MAP3K21: variants seen among roughly 807,000 people sequenced by gnomAD.
The protein encoded by MAP3K21 is mitogen-activated protein kinase kinase kinase MLK4.
A neutral mutation model predicts 86.1 loss-of-function variants in MAP3K21; 63 were observed. That is an observed-to-expected ratio of 0.73 (90% confidence interval 0.60 to 0.90). MAP3K21 has a LOEUF of 0.90. Ranked by LOEUF, MAP3K21 falls within the 40% of genes least tolerant of loss-of-function variation. The probability of loss-of-function intolerance (pLI) is 0.00; values close to 1 mark genes in which losing one functional copy is unlikely to be tolerated. For missense variants in MAP3K21, 1,220 were observed against 1,367.7 expected, an observed-to-expected ratio of 0.89 and a Z score of 1.70; for synonymous variants, 558 against 564.8, an observed-to-expected ratio of 0.99 and a Z score of 0.17.
chr1:233,350,803 C>T (rs571535395), intron 2 of MAP3K21, among the ~76,000 whole-genome samples: 8 of 152,246 alleles, frequency 5.3e-5, no homozygotes, highest in African/African-American at 1.9e-4. Context: ...ACTCACAGCC[C>T]TGAGTCATTA....
Position 233,328,072 on chromosome 1 carries a change from C to G in MAP3K21, c.44C>G (p.Ser15Cys). The G allele has an allele frequency of 7.4e-7, 1 of 1,349,056 alleles. No individual in the cohort carries two copies. Among genetic ancestry groups the G allele is most frequent in the African/African-American group, 1.5e-5 (1 of 65,190 alleles). 83.6% of individuals were successfully genotyped at this position (1,349,056 alleles called of 1,614,324 possible). The change falls in exon 1 of 10, where the codon TCC becomes TGC. Residue 15 changes from serine (S) to cysteine (C), a missense_variant. Physicochemically the swap from Ser to Cys is moderately radical, Grantham distance 112. Transcript: ENST00000366624. This position sits in a 1 kb window ranked among gnomAD's most constrained non-coding sequence, Gnocchi z 8.7. ...GAAGATDTPV[S>C]SAGGAPGGSA... ...GCGGGAGCGACCGACACCCCGGTGTCCTCGGCCGGGGGAGCCCCCGGCGGC... is the reference window on the plus strand; with the variant it reads ...GCGGGAGCGACCGACACCCCGGTGTGCTCGGCCGGGGGAGCCCCCGGCGGC...
rs370711052 is a variant in MAP3K21, at chr1:233,382,395, C to T, written c.2795C>T (p.Ser932Leu). The T allele has an allele frequency of 5.6e-6, 9 of 1,614,146 alleles. No individual in the cohort carries two copies. In the African/African-American group the frequency reaches 9.3e-5, roughly 17 times the overall value. ...CACAGTCATCTGCCAAGGGAGGTCT[C>T]ACCCAAGAAGCACAGCACTGTCCAC... Reference protein sequence around the residue: ...APHSHLPREVSPKKHSTVHIV... With the variant: ...APHSHLPREVLPKKHSTVHIV... The change falls in exon 10 of 10, where the codon TCA (serine) becomes TTA (leucine). Residue 932 changes from serine (S) to leucine (L), a missense_variant. By Grantham distance (145) the Ser-to-Leu change is moderately radical. Coordinates refer to ENST00000366624, the MANE Select transcript of MAP3K21 (RefSeq NM_032435.3).
At position 233,353,926 on chromosome 1, in the gene MAP3K21, G is replaced by C; in HGVS notation, c.1106G>C (p.Cys369Ser). ...NKLTLPIPSTCPEPFAKLMKE... is the reference protein window; with the variant it reads ...NKLTLPIPSTSPEPFAKLMKE... ...CTCACTTTGCCCATTCCATCCACCT[G>C]CCCTGAGCCGTTTGCCAAGCTCATG... is the stretch of plus-strand genomic sequence containing the variant. The change falls in exon 3 of 10, where the codon TGC becomes TCC. Residue 369 changes from cysteine to serine, a missense_variant. Physicochemically the swap from Cys to Ser is moderately radical, Grantham distance 112. Around this residue, in one of 5 missense-constraint regions of MAP3K21, gnomAD observed 126 missense variants for 127.7 expected, o/e 0.99. Transcript: ENST00000366624. The C allele has an allele frequency of 1.2e-6, 2 of 1,608,302 alleles. No homozygotes were observed. The highest frequency in any genetic ancestry group is 4.5e-5 in the East Asian group (2 of 44,602).
At chr1:233,332,786 G>A (rs1183658396) in intron 1 of MAP3K21, among the ~76,000 whole-genome samples, 1 of 152,074 alleles carries the variant, frequency 6.6e-6, no homozygotes, top group East Asian at 1.9e-4. Context: ...AAGATTATGT[G>A]GCATCATGTA....
At chr1:233,352,077 G>A (rs1406049053) in intron 2 of MAP3K21, among the ~76,000 whole-genome samples, 1 of 152,012 alleles carries the variant, frequency 6.6e-6, no homozygotes, top group Non-Finnish European at 1.5e-5. Context: ...TTTTAGAGAC[G>A]AGTTTTACCA....
chr1:233,330,336 TTGACAGACCACATGAAGGACTA>T (rs946709261), intron 1 of MAP3K21, among the ~76,000 whole-genome samples: 5 of 152,216 alleles, frequency 3.3e-5, no homozygotes, highest in African/African-American at 1.2e-4. Context: ...TCTTAGTACT[TTGACAGACCACATGAAGGACTA>T]TAGCATTGCT....
At chr1:233,339,638 A>G (rs1662998927) in intron 1 of MAP3K21, among the ~76,000 whole-genome samples, 1 of 151,700 alleles carries the variant, frequency 6.6e-6, no homozygotes. Flanking sequence ...GAGTACCATG[A>G]TGCCCAGCCA....
At chr1:233,329,483 G>C (rs1433654765) in intron 1 of MAP3K21, among the ~76,000 whole-genome samples, 1 of 152,040 alleles carries the variant, frequency 6.6e-6, no homozygotes. Context: ...GCGAAACCCT[G>C]TCGCTACTAA....
At chr1:233,353,007 A>G (rs570027401) in intron 2 of MAP3K21, among the ~76,000 whole-genome samples, 1 of 152,320 alleles carries the variant, frequency 6.6e-6, no homozygotes, top group East Asian at 1.9e-4. Context: ...TGGTATGGAT[A>G]TGTAGTGAAA....
intron 1 of MAP3K21, among the ~76,000 whole-genome samples, chr1:233,340,986 C>T (rs758168299): frequency 1.3e-5 from 2 of 151,886 alleles, no homozygotes; most frequent in African/African-American, 4.8e-5. Flanking sequence ...CTGAAAATAC[C>T]AATGTGAAAC....
chr1:233,363,190 T>TTA (rs879107218), intron 5 of MAP3K21, among the ~76,000 whole-genome samples: 1 of 152,114 alleles, frequency 6.6e-6, no homozygotes, highest in Admixed American at 6.5e-5. Context: ...GTTATATGTA[T>TTA]TATATATTAG....
At chr1:233,344,892 C>A (rs1332045693) in intron 1 of MAP3K21, among the ~76,000 whole-genome samples, 1,963 of 151,746 alleles carry the variant, frequency 0.013, 45 homozygotes, top group African/African-American at 0.044. Flanking sequence ...CAAGAAAAAA[C>A]CAAACAACCC....
At chr1:233,376,390 G>A in intron 7 of MAP3K21, 40 bp from the exon 8 acceptor site, 1 of 1,408,382 alleles carries the variant, frequency 7.1e-7, no homozygotes. Context: ...GGTGTGTTGT[G>A]TGCTTCTATC....
At chr1:233,348,746 C>G (rs1410636049) in intron 2 of MAP3K21, among the ~76,000 whole-genome samples, 1 of 151,782 alleles carries the variant, frequency 6.6e-6, no homozygotes, top group East Asian at 1.9e-4. Flanking sequence ...TTTGTTATTA[C>G]TTTTTTTTCC....
chr1:233,331,050 G>T (rs1032592355), intron 1 of MAP3K21, among the ~76,000 whole-genome samples: 2 of 152,100 alleles, frequency 1.3e-5, no homozygotes, highest in Admixed American at 6.5e-5. Flanking sequence ...TAATAACTAT[G>T]GCCGAACAGT....
chr1:233,382,529 C>T lies in MAP3K21; in HGVS notation c.2929C>T (p.Arg977Cys), dbSNP rs56065162. Residue 977 changes from arginine to cysteine, a missense_variant, in exon 10 of 10, where the codon CGC becomes TGC. Physicochemically the swap from Arg to Cys is radical, Grantham distance 180. Coordinates refer to ENST00000366624, the MANE Select transcript of MAP3K21 (RefSeq NM_032435.3). ...QLAQTACVVG[R>C]PGPHPTQFLA... is the part of the protein sequence containing the mutation. ...GGCACAGACTGCCTGTGTAGTGGGT[C>T]GCCCAGGACCACATCCCACCCAATT... is the stretch of plus-strand genomic sequence containing the variant. 684 of 1,614,038 alleles carry T rather than the reference C, an allele frequency of 4.2e-4. No homozygotes were observed. Among genetic ancestry groups the T allele is most frequent in the Non-Finnish European group, 5.5e-4 (649 of 1,180,022 alleles).
chr1:233,367,735 C>G (rs543612184), intron 5 of MAP3K21, among the ~76,000 whole-genome samples: 34 of 152,064 alleles, frequency 2.2e-4, no homozygotes, highest in African/African-American at 8.2e-4. Flanking sequence ...TGGCAGGCAC[C>G]TGTAATCCCA....
intron 1 of MAP3K21, among the ~76,000 whole-genome samples, chr1:233,340,482 TGGAAGGATCATTTAGAATGAG>T: frequency 6.6e-6 from 1 of 152,012 alleles, no homozygotes; most frequent in African/African-American, 2.4e-5. Flanking sequence ...AAAAGAGAGC[TGGAAGGATCATTTAGAATGAG>T]ATTGAGAAGG....
At chr1:233,366,765 T>A (rs748462772) in intron 5 of MAP3K21, among the ~76,000 whole-genome samples, 10 of 152,236 alleles carry the variant, frequency 6.6e-5, no homozygotes, top group Non-Finnish European at 1.5e-5. Flanking sequence ...TGTAACTTTG[T>A]CCTCGAGAAT....
Sources: allele counts gnomAD v4.1 joint callset (sites outside exome capture counted in the v4.1 genomes callset), GRCh38; gene constraint gnomAD v4.1.1; regional missense constraint gnomAD v4.1.1; non-coding constraint Gnocchi (gnomAD v3.1); transcripts MANE v1.5; gene names NCBI Gene and HGNC (gene_info 2026-07-23, HGNC 2026-07-21).